Variants in RAPGEFL1 observed in about 807,000 individuals in gnomAD.
The protein encoded by RAPGEFL1 is Rap guanine nucleotide exchange factor like 1, also known as rap guanine nucleotide exchange factor-like 1.
A neutral mutation model predicts 64.4 loss-of-function variants in RAPGEFL1; 31 were observed. The observed-to-expected ratio is 0.48, with a 90% CI of 0.36 to 0.65. The LOEUF is 0.65. RAPGEFL1 is among the 30% of genes least tolerant of loss of function. The pLI is 0.00. For synonymous variants in RAPGEFL1, 331 were observed against 274.1 expected (o/e 1.21, Z -2.05); for missense variants, 682 against 677.4 (o/e 1.01, Z -0.08).
chr17:40,190,930 A>G, intron 8 of RAPGEFL1, 168 bp downstream of exon 8: 2 of 1,012,730 alleles, frequency 2.0e-6, no homozygotes, highest in Non-Finnish European at 2.8e-6. Context: ...TCGCAAAGAG[A>G]GAGACCCCAG....
intron 11 of RAPGEFL1, 132 bp downstream of exon 11, chr17:40,192,395 C>G: frequency 1.8e-6 from 2 of 1,123,740 alleles, no homozygotes; most frequent in South Asian, 1.3e-5. Context: ...CCTTACCATG[C>G]TGGAGGGTGA....
At chr17:40,178,839 A>T (rs1989806729) in intron 1 of RAPGEFL1, among the ~76,000 whole-genome samples, 1 of 152,208 alleles carries the variant, frequency 6.6e-6, no homozygotes, top group African/African-American at 2.4e-5. Context: ...TGACCCACCC[A>T]GGGAGGCAGT....
Position 40,178,375 on chromosome 17 carries a change from G to A in RAPGEFL1, c.514G>A (p.Ala172Thr), listed in dbSNP as rs753716680. 9.7e-6 allele frequency: 5 copies of A among 517,032 alleles called. No homozygotes were observed. In the South Asian group the frequency reaches 9.9e-5, roughly 10 times the overall value. The allele number at this position is 517,032 out of a possible 1,614,324, so 32.0% of individuals were successfully genotyped here. ...LAGGATRDSAASDILLDDIVL... is the reference protein window; with the variant it reads ...LAGGATRDSATSDILLDDIVL... ...TGGAGGGGCTACCAGGGACAGCGCC[G>A]CCTCAGGTAAGGAGCCGGTGGGCTC... The change falls in exon 1 of 15, where the codon GCC (alanine) becomes ACC (threonine). Residue 172 changes from alanine to threonine, a missense_variant. This residue lies in a region of RAPGEFL1 where 271 missense variants were observed against 158.0 expected (regional missense o/e 1.72). Transcript: ENST00000620260.
chr17:40,188,743 C>A (rs2145217085), intron 4 of RAPGEFL1, 123 bp from the exon 5 acceptor site: 3 of 737,292 alleles, frequency 4.1e-6, no homozygotes, highest in Non-Finnish European at 7.2e-6. Flanking sequence ...CCCTTAACCA[C>A]CTGAAATTGC....
At position 40,178,300 on chromosome 17, in the gene RAPGEFL1, G is replaced by GC; in HGVS notation, c.444dup (p.Glu149ArgfsTer31). On this transcript the variant is annotated frameshift_variant, in exon 1 of 15. Transcript: ENST00000620260. LOFTEE classifies it high-confidence loss of function. Reference sequence around the variant, plus strand: ...TTCGCCGCCCTGGGCCCCTCTGGGCGCCCCCGAGCGGCCCGAGCATCTTCT... The same window carrying GC: ...TTCGCCGCCCTGGGCCCCTCTGGGCGCCCCCCGAGCGGCCCGAGCATCTTCT... 1 of 632,094 alleles carries GC rather than the reference G, an allele frequency of 1.6e-6. No individual in the cohort carries two copies. Among genetic ancestry groups the GC allele is most frequent in the Non-Finnish European group, 2.9e-6 (1 of 348,932 alleles). 39.2% of individuals were successfully genotyped at this position (632,094 alleles called of 1,614,324 possible).
Position 40,195,099 on chromosome 17 carries a change from C to T in RAPGEFL1, c.*1311C>T, listed in dbSNP as rs987397673. On this transcript the variant is annotated 3_prime_UTR_variant, in exon 15 of 15. Coordinates refer to ENST00000620260, the MANE Select transcript of RAPGEFL1 (RefSeq NM_016339.6). ...ACAGCCGTAGCAAAAGCAGCTGCTG[C>T]TCCTGCTATGAGGGTGTATATATTT... 1 of 152,586 alleles carries T rather than the reference C, an allele frequency of 6.6e-6. No homozygotes were observed. The highest frequency in any genetic ancestry group is 1.5e-5 in the Non-Finnish European group (1 of 68,050). 9.5% of individuals were successfully genotyped at this position (152,586 alleles called of 1,614,324 possible).
Position 40,191,712 on chromosome 17 carries a change from A to G in RAPGEFL1, c.1605+40A>G. ...CCCGTTCCTACCTGGGAATCTGGGC[A>G]TCCCGGGCTCCCCGAAGTGCGTCCT... On this transcript the variant is annotated intron_variant, in intron 10 of 14. Transcript: ENST00000620260. The surrounding 1 kb of genome is among the most constrained non-coding windows in gnomAD (Gnocchi z 5.1). 3 of 1,574,604 alleles carry G rather than the reference A, an allele frequency of 1.9e-6. No individual in the cohort carries two copies. The highest frequency in any genetic ancestry group is 2.3e-5 in the South Asian group (2 of 86,924).
At chr17:40,184,113 G>A in intron 2 of RAPGEFL1, 101 bp from the exon 3 acceptor site, 1 of 887,552 alleles carries the variant, frequency 1.1e-6, no homozygotes, top group Non-Finnish European at 1.9e-6. Flanking sequence ...CAAACTGCTG[G>A]GATTATAGGC....
chr17:40,189,208 T>G lies in RAPGEFL1; in HGVS notation c.947T>G (p.Ile316Ser). The G allele has an allele frequency of 6.2e-7, 1 of 1,613,996 alleles. No individual in the cohort carries two copies. The highest frequency in any genetic ancestry group is 1.3e-5 in the African/African-American group (1 of 75,040). Reference sequence around the variant, plus strand: ...AAGCCATTTTCCTGTTTCCGTCCAGTCTTCTGCCGTGTATACATGCCTGAC... The same window carrying G: ...AAGCCATTTTCCTGTTTCCGTCCAGGCTTCTGCCGTGTATACATGCCTGAC... ...TRVAFRGSDE[I>S]FCRVYMPDHS... is the part of the protein sequence containing the mutation. Residue 316 changes from isoleucine to serine, a missense_variant and splice_region_variant, in exon 6 of 15, where the codon ATC becomes AGC. By Grantham distance (142) the Ile-to-Ser change is moderately radical. This residue lies in a region of RAPGEFL1 where 411 missense variants were observed against 519.4 expected (regional missense o/e 0.79). Transcript: ENST00000620260.
At chr17:40,181,332 C>T (rs1406344018) in intron 1 of RAPGEFL1, 9 of 562,788 alleles carry the variant, frequency 1.6e-5, no homozygotes, top group Non-Finnish European at 2.7e-5. Context: ...ATCTGACCAA[C>T]TTCCCACATA....
In RAPGEFL1 at chr17:40,195,312, C is replaced by A; in HGVS notation, c.*1524C>A. ...GTGCTGTGTCCCATGCCCTCTTGCC[C>A]TGACAGTGTCCCATGGGCCCCCTTC... On this transcript the variant is annotated 3_prime_UTR_variant, in exon 15 of 15. Coordinates refer to ENST00000620260, the MANE Select transcript of RAPGEFL1 (RefSeq NM_016339.6). 1 of 153,898 alleles carries A rather than the reference C, an allele frequency of 6.5e-6. No individual in the cohort carries two copies. The allele number at this position is 153,898 out of a possible 1,614,324, so 9.5% of individuals were successfully genotyped here. A position where few individuals can be genotyped will look rare whatever the true frequency, so the allele number is the denominator to read the frequency against.
At chr17:40,184,452 G>C in intron 3 of RAPGEFL1, 103 bp downstream of exon 3, 2 of 1,230,450 alleles carry the variant, frequency 1.6e-6, no homozygotes, top group South Asian at 2.8e-5. Context: ...GGAAGGAAGA[G>C]ATGCCAGGGG....
chr17:40,177,316 TC>T (rs1416882181), upstream of RAPGEFL1: 5 of 702,220 alleles, frequency 7.1e-6, no homozygotes, highest in Non-Finnish European at 1.3e-5. Flanking sequence ...GCCCTTAATT[TC>T]TTCTGCTTAG....
At chr17:40,192,721 G>T (rs750305148) in intron 12 of RAPGEFL1, 28 bp downstream of exon 12, 1 of 1,586,254 alleles carries the variant, frequency 6.3e-7, no homozygotes, top group Non-Finnish European at 8.7e-7. Context: ...AAGCTGTGCC[G>T]CTTCCACCCA....
rs1374533567 is a variant in RAPGEFL1, at chr17:40,195,071, G to GC, written c.*1284dup. 4 of 152,708 alleles carry GC rather than the reference G, an allele frequency of 2.6e-5. No individual in the cohort carries two copies. The East Asian group carries it at 7.7e-4, about 29-fold the overall frequency. 9.5% of individuals were successfully genotyped at this position (152,708 alleles called of 1,614,324 possible). A position where few individuals can be genotyped will look rare whatever the true frequency, so the allele number is the denominator to read the frequency against. On this transcript the variant is annotated 3_prime_UTR_variant, in exon 15 of 15. Transcript: ENST00000620260. The stretch of plus-strand genomic sequence containing the variant: ...CACCTCTTTCCCTTTTGAAGAGACA[G>GC]CAACAGCCGTAGCAAAAGCAGCTGC...
chr17:40,190,642 G>A lies in RAPGEFL1; in HGVS notation c.1215G>A (p.Val405=). ...CCTATGCCCCTGCCTGCCACCAGGT[G>A]CCCCTCCCCGAGGAGATCCAGGTCT... The part of the protein sequence containing the change: ...ACTRDSYEAL[V]PLPEEIQVSP... The change falls in exon 8 of 15, where the codon GTG becomes GTA. Residue 405 remains valine (V), a splice_region_variant and synonymous_variant. Coordinates refer to ENST00000620260, the MANE Select transcript of RAPGEFL1 (RefSeq NM_016339.6). 13 of 1,614,076 alleles carry A rather than the reference G, an allele frequency of 8.1e-6. No homozygotes were observed. The highest frequency in any genetic ancestry group is 1.1e-5 in the Non-Finnish European group (13 of 1,179,954).
rs1185106273 is a variant in RAPGEFL1, at chr17:40,192,705, A to G, written c.1744+12A>G. On this transcript the variant is annotated intron_variant, in intron 12 of 14. Coordinates refer to ENST00000620260, the MANE Select transcript of RAPGEFL1 (RefSeq NM_016339.6). ...TCTGATCCTCAAAGGTGAGAGAGTT[A>G]CTCCCAAGCTGTGCCGCTTCCACCC... is the stretch of plus-strand genomic sequence containing the variant. The G allele has an allele frequency of 6.2e-7, 1 of 1,607,062 alleles. No homozygotes were observed. The highest frequency in any genetic ancestry group is 1.7e-5 in the Admixed American group (1 of 59,708).
chr17:40,191,719 G>C lies in RAPGEFL1; in HGVS notation c.1605+47G>C, dbSNP rs1253919757. 2 of 1,562,024 alleles carry C rather than the reference G, an allele frequency of 1.3e-6. No individual in the cohort carries two copies. Among genetic ancestry groups the C allele is most frequent in the African/African-American group, 2.7e-5 (2 of 74,108 alleles). On this transcript the variant is annotated intron_variant, in intron 10 of 14. Transcript: ENST00000620260. The surrounding 1 kb of genome is among the most constrained non-coding windows in gnomAD (Gnocchi z 5.1). ...CTACCTGGGAATCTGGGCATCCCGG[G>C]CTCCCCGAAGTGCGTCCTCCCGGGA...
Position 40,184,644 on chromosome 17 carries a change from A to C in RAPGEFL1, c.799A>C (p.Arg267=), listed in dbSNP as rs1386343697. The C allele has an allele frequency of 3.1e-6, 5 of 1,591,624 alleles. No individual in the cohort carries two copies. In the Admixed American group the frequency reaches 8.5e-5, roughly 27 times the overall value. Reference sequence around the variant, plus strand: ...CCAGGGCCTCCGAGAGGACACTCTGAGGCTGCACCAGCTGGTGGAGACGGT... The same window carrying C: ...CCAGGGCCTCCGAGAGGACACTCTGCGGCTGCACCAGCTGGTGGAGACGGT... ...LYQGLREDTL[R]LHQLVETVEL... The change falls in exon 4 of 15, where the codon AGG becomes CGG. Residue 267 remains arginine (R), a synonymous_variant. Coordinates refer to ENST00000620260, the MANE Select transcript of RAPGEFL1 (RefSeq NM_016339.6).
Sources: gnomAD v4.1 joint callset for allele counts (sites outside exome capture counted in the v4.1 genomes callset) on GRCh38, gnomAD v4.1.1 for gene constraint, gnomAD v4.1.1 regional missense constraint, Gnocchi (gnomAD v3.1) non-coding constraint, MANE v1.5 for transcripts, NCBI Gene and HGNC (gene_info 2026-07-23, HGNC 2026-07-21) for gene names.